Variants in ANO3 observed in about 807,000 individuals in gnomAD.
ANO3 encodes anoctamin-3.
A neutral mutation model predicts 144.8 loss-of-function variants in ANO3; 99 were observed. The observed-to-expected ratio is 0.68, with a 90% CI of 0.58 to 0.81. ANO3 has a LOEUF of 0.81. ANO3 is among the 30% of genes least tolerant of loss of function. The probability of loss-of-function intolerance (pLI) is 0.00; values close to 1 mark genes in which losing one functional copy is unlikely to be tolerated. For synonymous variants in ANO3, 414 were observed against 392.6 expected (o/e 1.05, Z -0.64); for missense variants, 905 against 1,202.2 (o/e 0.75, Z 3.66).
chr11:26,628,748 C>A (rs1852673484), intron 18 of ANO3, among the ~76,000 whole-genome samples: 1 of 152,138 alleles, frequency 6.6e-6, no homozygotes, highest in Non-Finnish European at 1.5e-5. Context: ...TTAGATTAGG[C>A]CCTGCTATGT....
intron 14 of ANO3, chr11:26,563,053 C>A: frequency 6.3e-7 from 1 of 1,578,120 alleles, no homozygotes; most frequent in Admixed American, 1.8e-5. Flanking sequence ...ATGCAGTGAA[C>A]ATTGGCATCC....
chr11:26,291,004 T>C (rs1853943541), intron 1 of ANO3, among the ~76,000 whole-genome samples: 1 of 152,182 alleles, frequency 6.6e-6, no homozygotes, highest in Non-Finnish European at 1.5e-5. Flanking sequence ...ATGTTGACAG[T>C]GGGATGTTAA....
intron 1 of ANO3, among the ~76,000 whole-genome samples, chr11:26,388,865 C>T (rs2133959613): frequency 6.6e-6 from 1 of 152,192 alleles, no homozygotes; most frequent in African/African-American, 2.4e-5. Context: ...TACACACACC[C>T]TAAATCCCTG....
intron 9 of ANO3, among the ~76,000 whole-genome samples, chr11:26,535,895 T>C (rs1288927025): frequency 6.6e-6 from 1 of 151,986 alleles, no homozygotes; most frequent in African/African-American, 2.4e-5. Context: ...TAGCCACTTT[T>C]TAAAGAAAAA....
intron 3 of ANO3, among the ~76,000 whole-genome samples, chr11:26,451,237 G>T (rs1266168933): frequency 6.6e-6 from 1 of 152,190 alleles, no homozygotes; most frequent in Non-Finnish European, 1.5e-5. Context: ...GTGGGCGCAG[G>T]TCAGTGGGTG....
At chr11:26,264,866 ATT>A (rs374426692) in intron 1 of ANO3, among the ~76,000 whole-genome samples, 70 of 149,468 alleles carry the variant, frequency 4.7e-4, no homozygotes, top group African/African-American at 1.7e-3. Context: ...ATTTTTAAAG[ATT>A]TTTTTTTTCA....
chr11:26,480,704 A>G (rs1294549113), intron 4 of ANO3, among the ~76,000 whole-genome samples: 1 of 151,986 alleles, frequency 6.6e-6, no homozygotes, highest in East Asian at 1.9e-4. Context: ...GCTACTTGGG[A>G]GGCTGAGGCA....
At chr11:26,243,312 C>T (rs56321250) in intron 1 of ANO3, among the ~76,000 whole-genome samples, 6,347 of 152,004 alleles carry the variant, frequency 0.042, 183 homozygotes, top group Non-Finnish European at 0.059. Flanking sequence ...ATTCTCTTCT[C>T]TTTCTCTTAA....
At chr11:26,648,005 G>T in intron 24 of ANO3, 149 bp downstream of exon 24, 1 of 689,894 alleles carries the variant, frequency 1.4e-6, no homozygotes, top group Non-Finnish European at 2.2e-6. Context: ...ATCAAGCAAG[G>T]TAAAAAGGAC....
intron 23 of ANO3, among the ~76,000 whole-genome samples, chr11:26,645,846 C>T (rs1277263680): frequency 1.3e-5 from 2 of 151,924 alleles, no homozygotes; most frequent in African/African-American, 4.8e-5. Flanking sequence ...TGCACATATA[C>T]CCCAGAACCT....
intron 1 of ANO3, among the ~76,000 whole-genome samples, chr11:26,289,847 A>G (rs1245341028): frequency 1.3e-5 from 2 of 151,514 alleles, no homozygotes; most frequent in Non-Finnish European, 2.9e-5. Flanking sequence ...GGATTTTTGC[A>G]TCGATGTTCA....
intron 1 of ANO3, among the ~76,000 whole-genome samples, chr11:26,433,027 C>T (rs1348749548): frequency 6.6e-6 from 1 of 152,030 alleles, no homozygotes; most frequent in Admixed American, 6.6e-5. Context: ...TTCTTTCTAT[C>T]CCTGAGCATG....
At chr11:26,205,271 G>C (rs570644078) in intron 1 of ANO3, among the ~76,000 whole-genome samples, 4 of 152,244 alleles carry the variant, frequency 2.6e-5, no homozygotes, top group African/African-American at 9.6e-5. Context: ...TTCTAAACTG[G>C]AGAAGAGAGA....
intron 1 of ANO3, among the ~76,000 whole-genome samples, chr11:26,437,010 A>G (rs1858319705): frequency 6.6e-6 from 1 of 152,068 alleles, no homozygotes; most frequent in South Asian, 2.1e-4. Context: ...AGTCTGCCAA[A>G]CAGCAAAGAT....
intron 18 of ANO3, among the ~76,000 whole-genome samples, chr11:26,626,759 G>C (rs970618858): frequency 6.6e-6 from 1 of 151,256 alleles, no homozygotes; most frequent in African/African-American, 2.4e-5. Flanking sequence ...TTTACATTCG[G>C]ATGTTTCTTA....
chr11:26,438,551 A>C (rs1169316931), intron 1 of ANO3, among the ~76,000 whole-genome samples: 1 of 139,336 alleles, frequency 7.2e-6, no homozygotes, highest in Non-Finnish European at 1.5e-5. Flanking sequence ...GTTCAAGACC[A>C]GCCTGGCCAA....
chr11:26,264,869 T>C (rs1853273403), intron 1 of ANO3, among the ~76,000 whole-genome samples: 1 of 151,960 alleles, frequency 6.6e-6, no homozygotes. Context: ...TTTAAAGATT[T>C]TTTTTTTCAA....
chr11:26,313,510 C>A (rs1320153227), intron 1 of ANO3, among the ~76,000 whole-genome samples: 2 of 151,890 alleles, frequency 1.3e-5, no homozygotes. Flanking sequence ...CATGGTGAAA[C>A]CCTGTCTCTA....
chr11:26,618,169 T>C (rs1852313929), intron 17 of ANO3, among the ~76,000 whole-genome samples: 3 of 152,190 alleles, frequency 2.0e-5, no homozygotes. Context: ...ATAATCCATG[T>C]ACATGGGATT....
Sources: gnomAD v4.1 joint callset for allele counts (sites outside exome capture counted in the v4.1 genomes callset) on GRCh38, gnomAD v4.1.1 for gene constraint, MANE v1.5 for transcripts, NCBI Gene and HGNC (gene_info 2026-07-23, HGNC 2026-07-21) for gene names.